Variants in BTBD9 observed in about 807,000 individuals in gnomAD.
BTBD9 encodes the protein BTB/POZ domain-containing protein 9.
In BTBD9, 49 loss-of-function variants were observed where a neutral mutation model predicts 64.3. That is an observed-to-expected ratio of 0.76 (90% CI 0.61 to 0.97). The LOEUF (loss-of-function observed/expected upper bound fraction) is 0.97. Ranked by LOEUF, BTBD9 falls within the 50% of genes least tolerant of loss-of-function variation. BTBD9 has a pLI of 0.00. For synonymous variants in BTBD9, 260 were observed against 274.7 expected (o/e 0.95, Z 0.53); for missense variants, 598 against 762.1 (o/e 0.78, Z 2.53).
chr6:38,214,084 C>T (rs750323508), intron 9 of BTBD9, among the ~76,000 whole-genome samples: 6 of 152,140 alleles, frequency 3.9e-5, no homozygotes, highest in Non-Finnish European at 7.4e-5. Context: ...TCACCATTAG[C>T]ACTCTCTGGT....
intron 6 of BTBD9, among the ~76,000 whole-genome samples, chr6:38,570,477 C>T (rs564995947): frequency 6.6e-6 from 1 of 152,278 alleles, no homozygotes; most frequent in Admixed American, 6.5e-5. Context: ...TGAGATGTGC[C>T]TGACCCACAG....
rs1191567481 is a variant in BTBD9, at chr6:38,173,173, C to G, written c.*1812G>C. 1 of 152,332 alleles carries G rather than the reference C, an allele frequency of 6.6e-6. No individual in the cohort carries two copies. Among genetic ancestry groups the G allele is most frequent in the Non-Finnish European group, 1.5e-5 (1 of 68,100 alleles). The allele number at this position is 152,332 out of a possible 1,614,324, so 9.4% of individuals were successfully genotyped here. On this transcript the variant is annotated 3_prime_UTR_variant, in exon 11 of 11. Coordinates refer to ENST00000481247, the MANE Select transcript of BTBD9 (RefSeq NM_001099272.2). The stretch of plus-strand genomic sequence containing the variant: ...GAAGGAAGTGCTGTGTGTGCAGGAG[C>G]TCTCTGGCTAATTGGCAACCCGGGG...
Position 38,432,578 on chromosome 6 carries a change from T to G in BTBD9, c.1155-87485A>C, listed in dbSNP as rs1006601761. ...CAGAGGTCATAAGATTTGTGAATTC[T>G]CCAACTGATCCTATAGATAACACCA... is the stretch of plus-strand genomic sequence containing the variant. On this transcript the variant is annotated intron_variant, in intron 6 of 10. Transcript: ENST00000481247. Among the ~76,000 whole-genome samples, 11 of 151,940 alleles carry G rather than the reference T, an allele frequency of 7.2e-5. 1 individual carries two copies. Among genetic ancestry groups the G allele is most frequent in the African/African-American group, 2.7e-4 (11 of 41,196 alleles).
At chr6:38,395,276 A>T (rs1401351638) in intron 6 of BTBD9, among the ~76,000 whole-genome samples, 1 of 152,142 alleles carries the variant, frequency 6.6e-6, no homozygotes, top group African/African-American at 2.4e-5. Flanking sequence ...ACAAAAAAAA[A>T]ATTTTTTTAA....
intron 7 of BTBD9, among the ~76,000 whole-genome samples, chr6:38,333,935 G>T (rs1407639682): frequency 6.6e-6 from 1 of 152,162 alleles, no homozygotes; most frequent in Non-Finnish European, 1.5e-5. Context: ...AGGAAGATGA[G>T]GGAAGGCTTA....
chr6:38,472,737 GAA>G (rs1008926387), intron 6 of BTBD9, among the ~76,000 whole-genome samples: 10 of 152,126 alleles, frequency 6.6e-5, no homozygotes, highest in African/African-American at 2.4e-4. Flanking sequence ...CCTGCAATGT[GAA>G]AAGATGAGCT....
chr6:38,564,933 T>C (rs557150880), intron 6 of BTBD9, among the ~76,000 whole-genome samples: 256 of 152,118 alleles, frequency 1.7e-3, no homozygotes, highest in Non-Finnish European at 2.1e-3. Flanking sequence ...TCTCACTATA[T>C]AAAAACAAAG....
intron 7 of BTBD9, among the ~76,000 whole-genome samples, chr6:38,303,861 A>ATC (rs1352201682): frequency 1.2e-4 from 15 of 120,244 alleles, no homozygotes; most frequent in Non-Finnish European, 6.7e-5. Context: ...ATATATATAT[A>ATC]TATATATATA....
chr6:38,518,277 C>T (rs190500262), intron 6 of BTBD9, among the ~76,000 whole-genome samples: 5 of 152,130 alleles, frequency 3.3e-5, no homozygotes, highest in Admixed American at 2.0e-4. Context: ...TTGTATCAGT[C>T]CTAATTGTAT....
chr6:38,541,105 G>A (rs1381907961), intron 6 of BTBD9, among the ~76,000 whole-genome samples: 1 of 152,022 alleles, frequency 6.6e-6, no homozygotes, highest in Admixed American at 6.6e-5. Context: ...CAATGTTTCT[G>A]GTCAACTCAG....
chr6:38,528,404 G>A (rs926310449), intron 6 of BTBD9, among the ~76,000 whole-genome samples: 1 of 152,154 alleles, frequency 6.6e-6, no homozygotes, highest in Non-Finnish European at 1.5e-5. Context: ...CTCGAAGCCA[G>A]TGGACCTGGG....
intron 6 of BTBD9, among the ~76,000 whole-genome samples, chr6:38,372,735 T>C (rs932485319): frequency 6.6e-6 from 1 of 152,214 alleles, no homozygotes; most frequent in African/African-American, 2.4e-5. Flanking sequence ...TCAGACGACA[T>C]AAGCCTCTCT....
intron 6 of BTBD9, among the ~76,000 whole-genome samples, chr6:38,378,612 G>T (rs1474459806): frequency 1.3e-5 from 2 of 150,958 alleles, no homozygotes; most frequent in African/African-American, 4.8e-5. Context: ...AGTGGCTCAT[G>T]CCTGTAATCC....
chr6:38,199,248 A>AC (rs554910137), intron 9 of BTBD9, among the ~76,000 whole-genome samples: 26 of 151,382 alleles, frequency 1.7e-4, no homozygotes, highest in East Asian at 9.7e-4. Context: ...GGATGGTGAG[A>AC]CCCCCCCAGT....
At chr6:38,220,231 G>A (rs1397186252) in intron 9 of BTBD9, among the ~76,000 whole-genome samples, 2 of 152,210 alleles carry the variant, frequency 1.3e-5, no homozygotes, top group African/African-American at 2.4e-5. Flanking sequence ...CTGTGGGTCT[G>A]CAATACTGAC....
At chr6:38,450,885 T>C (rs1023013928) in intron 6 of BTBD9, among the ~76,000 whole-genome samples, 1 of 152,184 alleles carries the variant, frequency 6.6e-6, no homozygotes, top group African/African-American at 2.4e-5. Flanking sequence ...ACTAGACTAG[T>C]TGACCTTTGA....
At chr6:38,321,693 TA>T (rs767978015) in intron 7 of BTBD9, among the ~76,000 whole-genome samples, 12 of 152,174 alleles carry the variant, frequency 7.9e-5, no homozygotes, top group Admixed American at 2.6e-4. Context: ...TGATGATTAT[TA>T]CTTTTCATAC....
chr6:38,473,957 A>C (rs1770765276), intron 6 of BTBD9, among the ~76,000 whole-genome samples: 1 of 152,110 alleles, frequency 6.6e-6, no homozygotes, highest in South Asian at 2.1e-4. Flanking sequence ...GTGTTGGGAA[A>C]CCCTAAGATA....
At chr6:38,398,188 G>A (rs994487649) in intron 6 of BTBD9, among the ~76,000 whole-genome samples, 2 of 152,158 alleles carry the variant, frequency 1.3e-5, no homozygotes, top group African/African-American at 2.4e-5. Context: ...ACTTGGTTCT[G>A]ACATATCACT....
Sources: gnomAD v4.1 joint callset for allele counts (sites outside exome capture counted in the v4.1 genomes callset) on GRCh38, gnomAD v4.1.1 for gene constraint, MANE v1.5 for transcripts, NCBI Gene and HGNC (gene_info 2026-07-23, HGNC 2026-07-21) for gene names.